The following POLM variants were observed in gnomAD, a reference collection of about 807,000 sequenced individuals.
POLM encodes DNA-directed DNA/RNA polymerase mu.
A neutral mutation model predicts 56.7 loss-of-function variants in POLM; 52 were observed. The ratio of observed to expected loss-of-function variants is 0.92; its 90% CI spans 0.73 to 1.15. POLM has a LOEUF of 1.15. Ranked by LOEUF, POLM falls within the 50% of genes most tolerant of loss-of-function variation. The pLI is 0.00. For missense variants in POLM, 660 were observed against 663.6 expected (o/e 0.99, Z 0.06); for synonymous variants, 273 against 274.3 (o/e 1.00, Z 0.05).
chr7:44,080,271 G>T, intron 2 of POLM: 1 of 529,976 alleles, frequency 1.9e-6, no homozygotes. Flanking sequence ...GGCTGGGGAT[G>T]CTGAGGCCTT....
In POLM at chr7:44,080,835, AG is replaced by A. The variant is rs761703997; in HGVS notation, c.269del (p.Ala90ValfsTer13). 11 of 1,612,474 alleles carry A rather than the reference AG, an allele frequency of 6.8e-6. No individual in the cohort carries two copies. The highest frequency in any genetic ancestry group is 9.3e-6 in the Non-Finnish European group (11 of 1,179,256). On this transcript the variant is annotated frameshift_variant, in exon 2 of 11. Transcript: ENST00000242248. LOFTEE classifies it high-confidence loss of function. Reference protein sequence around the residue: ...VSWQERRMAAAPPGCTPPALL... With the variant: ...VSWQERRMAAXPPGCTPPALL... ...GAGCTGGGGGGGTGCAACCCGGGGG[AG>A]CAGCTGCCATCCTGCGCTCCTGCCA...
chr7:44,079,091 G>A (rs2096192005), intron 4 of POLM, among the ~76,000 whole-genome samples: 1 of 152,210 alleles, frequency 6.6e-6, no homozygotes, highest in Non-Finnish European at 1.5e-5. Context: ...AGGTAACGTG[G>A]ATCATCTCTC....
Position 44,079,853 on chromosome 7 carries a change from C to A in POLM, c.471+8G>T, listed in dbSNP as rs533062099. 2 of 1,613,884 alleles carry A rather than the reference C, an allele frequency of 1.2e-6. No homozygotes were observed. Among genetic ancestry groups the A allele is most frequent in the African/African-American group, 2.7e-5 (2 of 75,048 alleles). ...CAGGGCTGGCCAAGGCTCATAGAAG[C>A]GGCTTACGGAGAGGCCAGTGTTGTG... is the stretch of plus-strand genomic sequence containing the variant. On this transcript the variant is annotated splice_region_variant and intron_variant, in intron 3 of 10. Transcript: ENST00000242248.
Position 44,080,628 on chromosome 7 carries a change from T to C in POLM, c.372+105A>G, listed in dbSNP as rs895319799. 7 of 1,235,828 alleles carry C rather than the reference T, an allele frequency of 5.7e-6. No individual in the cohort carries two copies. The African/African-American group carries it at 8.9e-5, about 16-fold the overall frequency. 76.6% of individuals were successfully genotyped at this position (1,235,828 alleles called of 1,614,324 possible). On this transcript the variant is annotated intron_variant, in intron 2 of 10. Transcript: ENST00000242248. ...TAGAGTCTTCACTGCCCACCTCCTC[T>C]GAAGGACATTGAGGCATTGCTGCCA...
rs2096190969 is a variant in POLM, at chr7:44,078,780, A to G, written c.674T>C (p.Val225Ala). The stretch of plus-strand genomic sequence containing the variant: ...CCTCTCTGAGCGCCGAACTCTCTCC[A>G]CCTCCTCACACACTCCATGCTCCAG... ...ELLEHGVCEE[V>A]ERVRRSERYQ... Residue 225 changes from valine to alanine, a missense_variant, in exon 5 of 11, where the codon GTG becomes GCG. Val to Ala is a moderately conservative substitution (Grantham distance 64). Transcript: ENST00000242248. 1.9e-6 allele frequency: 3 copies of G among 1,613,268 alleles called. No homozygotes were observed. The African/African-American group carries it at 4.0e-5, about 22-fold the overall frequency.
intron 4 of POLM, 122 bp downstream of exon 4, chr7:44,079,449 G>A: frequency 1.1e-6 from 1 of 873,276 alleles, no homozygotes; most frequent in Middle Eastern, 3.4e-4. Flanking sequence ...TGAGGCCTTG[G>A]AGCAGTGTCA....
rs2096183736 is a variant in POLM at position 44,076,518 on chromosome 7, G to A, written c.826C>T (p.Gln276Ter). The A allele has an allele frequency of 6.2e-7, 1 of 1,613,886 alleles. No homozygotes were observed. The highest frequency in any genetic ancestry group is 1.3e-5 in the African/African-American group (1 of 74,892). ...REQPQKLTQQ[Q>*]KAGLQHHQDL... ...TCTCTGGAGGGCTCACCCGCTTTCT[G>A]CTGTTGGGTTAGTTTCTGGGGCTGC... The change falls in exon 6 of 11, where the codon CAG becomes TAG. Residue 276 changes from glutamine (Q) to a stop codon, truncating the protein, a stop_gained. Transcript: ENST00000242248. LOFTEE classifies it high-confidence loss of function.
chr7:44,078,616 G>A (rs1254369767), intron 5 of POLM, 124 bp downstream of exon 5: 1 of 801,472 alleles, frequency 1.2e-6, no homozygotes, highest in Admixed American at 2.1e-5. Flanking sequence ...TCCTCGGCAA[G>A]ACCTTCTCTG....
At chr7:44,081,744 CTTT>C (rs1183469734) in intron 1 of POLM, among the ~76,000 whole-genome samples, 87 of 125,364 alleles carry the variant, frequency 6.9e-4, no homozygotes, top group African/African-American at 2.6e-3. Flanking sequence ...GCAAATACGA[CTTT>C]TTTTTTTTTT....
At chr7:44,081,960 T>C (rs1026355243) in intron 1 of POLM, among the ~76,000 whole-genome samples, 1 of 152,084 alleles carries the variant, frequency 6.6e-6, no homozygotes, top group Non-Finnish European at 1.5e-5. Context: ...TTAGCCAGGA[T>C]GGTCTCGATC....
chr7:44,075,354 A>G (rs1484282263), intron 6 of POLM, among the ~76,000 whole-genome samples: 1 of 152,164 alleles, frequency 6.6e-6, no homozygotes, highest in Non-Finnish European at 1.5e-5. Flanking sequence ...GCACCCAGCT[A>G]AGGAGAGGTT....
intron 2 of POLM, 42 bp downstream of exon 2, chr7:44,080,691 G>A: frequency 6.3e-7 from 1 of 1,588,474 alleles, no homozygotes; most frequent in Non-Finnish European, 8.6e-7. Flanking sequence ...CTACACTGGG[G>A]CTTTCACTGT....
At position 44,073,907 on chromosome 7, in the gene POLM, G is replaced by A. The variant is rs1394763780; in HGVS notation, c.1190C>T (p.Pro397Leu). ...RSFCIFRLPQ[P>L]PGAAVGGSTR... ...GGATCCCCCCACAGCAGCCCCTGGA[G>A]GTTGTGGTAGGCGGAAAATGCAGAA... The change falls in exon 9 of 11, where the codon CCT (proline) becomes CTT (leucine). Residue 397 changes from proline (P) to leucine (L), a missense_variant. Coordinates refer to ENST00000242248, the MANE Select transcript of POLM (RefSeq NM_013284.4). The A allele has an allele frequency of 6.2e-7, 1 of 1,614,258 alleles. No homozygotes were observed. The highest frequency in any genetic ancestry group is 8.5e-7 in the Non-Finnish European group (1 of 1,180,044).
At chr7:44,078,628 C>A in intron 5 of POLM, 112 bp downstream of exon 5, 1 of 930,398 alleles carries the variant, frequency 1.1e-6, no homozygotes, top group South Asian at 1.4e-5. Context: ...CCTTCTCTGA[C>A]CCCTGGGCTG....
rs1280855777 is a variant in POLM, at chr7:44,080,721, C to T, written c.372+12G>A. Reference sequence around the variant, plus strand: ...CACTGTAGCCCCCACTTTAGTCTTCCACCCAGCTCACCTCCAGGCGGTGCC... The same window carrying T: ...CACTGTAGCCCCCACTTTAGTCTTCTACCCAGCTCACCTCCAGGCGGTGCC... On this transcript the variant is annotated intron_variant, in intron 2 of 10. Coordinates refer to ENST00000242248, the MANE Select transcript of POLM (RefSeq NM_013284.4). The T allele has an allele frequency of 6.2e-7, 1 of 1,613,094 alleles. No individual in the cohort carries two copies. The highest frequency in any genetic ancestry group is 8.5e-7 in the Non-Finnish European group (1 of 1,179,466).
In POLM at chr7:44,073,636, C is replaced by T. The variant is rs370471061; in HGVS notation, c.1387G>A (p.Asp463Asn). 1.9e-6 allele frequency: 3 copies of T among 1,613,896 alleles called. No individual in the cohort carries two copies. Among genetic ancestry groups the T allele is most frequent in the African/African-American group, 2.7e-5 (2 of 74,924 alleles). ...CCCCAACAATGTACCTGCTCCGGGT[C>T]AAACAGCCCATGGCTGTTCAGCCAC... ...GLWLNSHGLF[D>N]PEQKTFFQAA... The change falls in exon 10 of 11, where the codon GAC (aspartate) becomes AAC (asparagine). Residue 463 changes from aspartate to asparagine, a missense_variant. Physicochemically the swap from Asp to Asn is conservative, Grantham distance 23. Coordinates refer to ENST00000242248, the MANE Select transcript of POLM (RefSeq NM_013284.4).
At chr7:44,077,221 C>A (rs767761938) in intron 5 of POLM, among the ~76,000 whole-genome samples, 2 of 152,254 alleles carry the variant, frequency 1.3e-5, no homozygotes, top group Non-Finnish European at 2.9e-5. Context: ...AAGCTGTAGC[C>A]TGTGGCAGCC....
chr7:44,077,870 C>T (rs1004809102), intron 5 of POLM, among the ~76,000 whole-genome samples: 8 of 152,222 alleles, frequency 5.3e-5, no homozygotes, highest in African/African-American at 9.6e-5. Flanking sequence ...ATGTGGCCAC[C>T]GCTGTGACAC....
chr7:44,075,718 C>CTTTTTT (rs1199628874), intron 6 of POLM: 1 of 133,056 alleles, frequency 7.5e-6, no homozygotes, highest in African/African-American at 2.8e-5. Flanking sequence ...TCCTTCCCAC[C>CTTTTTT]TTTTTTTTTT....
Sources: gnomAD v4.1 joint callset for allele counts (sites outside exome capture counted in the v4.1 genomes callset) on GRCh38, gnomAD v4.1.1 for gene constraint, MANE v1.5 for transcripts, NCBI Gene and HGNC (gene_info 2026-07-23, HGNC 2026-07-21) for gene names.